The following IQCH variants were observed in gnomAD, a reference collection of about 807,000 sequenced individuals.
IQCH encodes the protein IQ motif containing H, also known as IQ domain-containing protein H.
In IQCH, 98 loss-of-function variants were observed where a neutral mutation model predicts 117.0. That is an observed-to-expected ratio of 0.84 (90% CI 0.71 to 0.99). The LOEUF is 0.99. IQCH is among the 50% of genes least tolerant of loss of function. IQCH has a pLI of 0.00. For synonymous variants in IQCH, 412 were observed against 448.2 expected (o/e 0.92, Z 1.02); for missense variants, 1,102 against 1,243.8 (o/e 0.89, Z 1.72).
chr15:67,281,397 G>A (rs1038030975), intron 4 of IQCH, among the ~76,000 whole-genome samples: 2 of 152,146 alleles, frequency 1.3e-5, no homozygotes, highest in Admixed American at 6.5e-5. Context: ...AGTTACAGAA[G>A]CTTATATATC....
rs2082584307 is a variant in IQCH, at chr15:67,453,499, C to T, written c.2506-11628C>T. ...GTTTGCTAGAAGTCCACTCCAGACA[C>T]TGTTTGCCTGGGTATCAGCAGCGGT... On this transcript the variant is annotated intron_variant, in intron 16 of 20. Transcript: ENST00000335894. This position sits in a 1 kb window ranked among gnomAD's most constrained non-coding sequence, Gnocchi z 5.8. Among the ~76,000 whole-genome samples, 1 of 152,200 alleles carries T rather than the reference C, an allele frequency of 6.6e-6. No individual in the cohort carries two copies. Among genetic ancestry groups the T allele is most frequent in the African/African-American group, 2.4e-5 (1 of 41,444 alleles).
chr15:67,477,256 G>A (rs1206873662), intron 18 of IQCH, among the ~76,000 whole-genome samples: 7 of 151,884 alleles, frequency 4.6e-5, no homozygotes, highest in South Asian at 2.1e-4. Context: ...TCACCATGTT[G>A]GCCAGGATGG....
At chr15:67,382,526 C>A (rs1420611251) in intron 10 of IQCH, among the ~76,000 whole-genome samples, 1 of 152,224 alleles carries the variant, frequency 6.6e-6, no homozygotes, top group African/African-American at 2.4e-5. Context: ...CCTACTACAA[C>A]AACTGAAAAT....
At chr15:67,471,536 A>G (rs1388538597) in intron 17 of IQCH, among the ~76,000 whole-genome samples, 1 of 152,210 alleles carries the variant, frequency 6.6e-6, no homozygotes, top group Non-Finnish European at 1.5e-5. Context: ...TGAGCTGCCC[A>G]AGTCATAAAG....
chr15:67,297,428 T>C (rs577092451), intron 4 of IQCH, among the ~76,000 whole-genome samples: 2 of 152,286 alleles, frequency 1.3e-5, no homozygotes, highest in African/African-American at 4.8e-5. Flanking sequence ...CTTTATCGTA[T>C]ATTATTTGGT....
chr15:67,266,395 A>G (rs1009094172), intron 3 of IQCH, among the ~76,000 whole-genome samples: 5 of 152,032 alleles, frequency 3.3e-5, no homozygotes, highest in East Asian at 1.9e-4. Flanking sequence ...GGTGACTCAC[A>G]CCTGTAATCC....
rs1356976361 is a variant in IQCH, at chr15:67,405,938, G to T, written c.2097+5633G>T. The T allele has an allele frequency of 6.6e-6, 1 of 152,220 alleles. No individual in the cohort carries two copies. The highest frequency in any genetic ancestry group is 2.4e-5 in the African/African-American group (1 of 41,438). 9.4% of individuals were successfully genotyped at this position (152,220 alleles called of 1,614,324 possible). A position where few individuals can be genotyped will look rare whatever the true frequency, so the allele number is the denominator to read the frequency against. On this transcript the variant is annotated intron_variant, in intron 14 of 20. Transcript: ENST00000335894. This position sits in a 1 kb window ranked among gnomAD's most constrained non-coding sequence, Gnocchi z 4.8. ...CAAGGCAGCAAACTGGGAGGTGTAG[G>T]GGGCCATCAATACACACACCTCAGA...
chr15:67,464,086 C>T (rs2082870987), intron 16 of IQCH, among the ~76,000 whole-genome samples: 1 of 152,208 alleles, frequency 6.6e-6, no homozygotes, highest in South Asian at 2.1e-4. Context: ...ACCTCGGCCT[C>T]CCAAAGTGCT....
At position 67,279,620 on chromosome 15, in the gene IQCH, G is replaced by T. The variant is rs76782652; in HGVS notation, c.387+108G>T. The T allele has an allele frequency of 7.1e-3, 4,159 of 589,064 alleles. 101 individuals carry two copies. The highest frequency in any genetic ancestry group is 0.045 in the African/African-American group (2,335 of 52,268). The allele number at this position is 589,064 out of a possible 1,614,324, so 36.5% of individuals were successfully genotyped here. A position where few individuals can be genotyped will look rare whatever the true frequency, so the allele number is the denominator to read the frequency against. ...TTAATGGGTATGAAGTTTCTTTGGG[G>T]GACAATGAACATGTTCTAGAATTAT... is the stretch of plus-strand genomic sequence containing the variant. On this transcript the variant is annotated intron_variant, in intron 4 of 20. Coordinates refer to ENST00000335894, the MANE Select transcript of IQCH (RefSeq NM_001031715.3).
Position 67,399,262 on chromosome 15 carries a change from A to G in IQCH, c.1906-852A>G, listed in dbSNP as rs1429828180. Among the ~76,000 whole-genome samples, 7 of 152,322 alleles carry G rather than the reference A, an allele frequency of 4.6e-5. No homozygotes were observed. The East Asian group carries it at 1.2e-3, about 25-fold the overall frequency. On this transcript the variant is annotated intron_variant, in intron 13 of 20. Transcript: ENST00000335894. ...GCAGAACCTCAGTTTATTTACATAT[A>G]AAAGAAAACTAGTAATTGTGTCCAC...
rs1180195530 is a variant in IQCH at position 67,493,668 on chromosome 15, AATT to A, written c.2862-584_2862-582del. On this transcript the variant is annotated intron_variant, in intron 19 of 20. Coordinates refer to ENST00000335894, the MANE Select transcript of IQCH (RefSeq NM_001031715.3). This position sits in a 1 kb window ranked among gnomAD's most constrained non-coding sequence, Gnocchi z 5.1. ...TAAAGTAACTTAAACCATTTTTTTT[AATT>A]ATTATACTTTAAGTTATAGGGTACA... Among the ~76,000 whole-genome samples the A allele has an allele frequency of 6.6e-6, 1 of 152,100 alleles. No individual in the cohort carries two copies. Among genetic ancestry groups the A allele is most frequent in the Admixed American group, 6.5e-5 (1 of 15,276 alleles).
At chr15:67,461,320 A>G (rs553389575) in intron 16 of IQCH, among the ~76,000 whole-genome samples, 4 of 152,394 alleles carry the variant, frequency 2.6e-5, no homozygotes, top group African/African-American at 9.6e-5. Context: ...ACCAGCCTCA[A>G]GTGACCCACC....
chr15:67,362,223 C>T (rs2140754705), intron 8 of IQCH, among the ~76,000 whole-genome samples: 1 of 151,482 alleles, frequency 6.6e-6, no homozygotes, highest in Non-Finnish European at 1.5e-5. Flanking sequence ...AAAAATGTGT[C>T]CGTGGTAGTT....
At chr15:67,368,517 ACT>A (rs1489206275) in intron 8 of IQCH, among the ~76,000 whole-genome samples, 6 of 152,274 alleles carry the variant, frequency 3.9e-5, no homozygotes, top group African/African-American at 1.4e-4. Flanking sequence ...CTAAATGCAA[ACT>A]CTCATTTAGA....
rs1393428373 is a variant in IQCH, at chr15:67,433,525, T to C, written c.2505+11948T>C. Among the ~76,000 whole-genome samples the C allele has an allele frequency of 6.6e-6, 1 of 152,218 alleles. No individual in the cohort carries two copies. Among genetic ancestry groups the C allele is most frequent in the Non-Finnish European group, 1.5e-5 (1 of 68,042 alleles). On this transcript the variant is annotated intron_variant, in intron 16 of 20. Transcript: ENST00000335894. This position sits in a 1 kb window ranked among gnomAD's most constrained non-coding sequence, Gnocchi z 5.4. Reference sequence around the variant, plus strand: ...CTGCATATAACGGACCTAATTCCTCTGTTTACATCAGCTGTTCCCCCAGGA... The same window carrying C: ...CTGCATATAACGGACCTAATTCCTCCGTTTACATCAGCTGTTCCCCCAGGA...
At chr15:67,492,282 G>C (rs2083676705) in intron 19 of IQCH, among the ~76,000 whole-genome samples, 1 of 152,194 alleles carries the variant, frequency 6.6e-6, no homozygotes, top group African/African-American at 2.4e-5. Context: ...CTAGAAATCA[G>C]AACCTAGAGA....
At chr15:67,284,586 T>A (rs1296898053) in intron 4 of IQCH, among the ~76,000 whole-genome samples, 3 of 152,208 alleles carry the variant, frequency 2.0e-5, no homozygotes, top group Non-Finnish European at 4.4e-5. Context: ...ACCCATTAGT[T>A]ATTTTTCCTG....
At chr15:67,295,169 G>A (rs745943246) in intron 4 of IQCH, among the ~76,000 whole-genome samples, 1 of 151,690 alleles carries the variant, frequency 6.6e-6, no homozygotes, top group Non-Finnish European at 1.5e-5. Context: ...CTTCATACTC[G>A]CTGAAAAAAA....
chr15:67,359,721 A>G lies in IQCH; in HGVS notation c.715-126A>G, dbSNP rs1241148066. 1.2e-6 allele frequency: 1 copy of G among 803,078 alleles called. No homozygotes were observed. The highest frequency in any genetic ancestry group is 2.0e-5 in the Admixed American group (1 of 50,172). The allele number at this position is 803,078 out of a possible 1,614,324, so 49.7% of individuals were successfully genotyped here. A position where few individuals can be genotyped will look rare whatever the true frequency, so the allele number is the denominator to read the frequency against. On this transcript the variant is annotated intron_variant, in intron 7 of 20. Transcript: ENST00000335894. The surrounding 1 kb of genome is among the most constrained non-coding windows in gnomAD (Gnocchi z 4.5). ...ATTATTAGCTCCTGCCTGCGTGGAA[A>G]GAGAGAACAGGCTGGCCCAGCGGGT...
Sources: gnomAD v4.1 joint callset for allele counts (sites outside exome capture counted in the v4.1 genomes callset) on GRCh38, gnomAD v4.1.1 for gene constraint, Gnocchi (gnomAD v3.1) non-coding constraint, MANE v1.5 for transcripts, NCBI Gene and HGNC (gene_info 2026-07-23, HGNC 2026-07-21) for gene names.